CACNB4: variants seen among roughly 807,000 people sequenced by gnomAD.
The protein encoded by CACNB4 is calcium voltage-gated channel auxiliary subunit beta 4.
In CACNB4, 32 loss-of-function variants were observed where a neutral mutation model predicts 71.2. The ratio of observed to expected loss-of-function variants is 0.45; its 90% CI spans 0.34 to 0.60. The LOEUF is 0.60. CACNB4 is among the 20% of genes least tolerant of loss of function. The pLI, the probability that CACNB4 is intolerant of heterozygous loss-of-function variation, is 0.01. For missense variants in CACNB4, 464 were observed against 647.9 expected, an observed-to-expected ratio of 0.72 and a Z score of 3.08; for synonymous variants, 231 against 236.9, an observed-to-expected ratio of 0.97 and a Z score of 0.23.
At position 152,098,629 on chromosome 2, in the gene CACNB4, G is replaced by A; in HGVS notation, c.64-216C>T. Reference sequence around the variant, plus strand: ...AAAAGATGCTCGAGAAGAGCAGCCCGCAAGCACCCACCACATCCATTAACA... The same window carrying A: ...AAAAGATGCTCGAGAAGAGCAGCCCACAAGCACCCACCACATCCATTAACA... On this transcript the variant is annotated intron_variant, in intron 1 of 13. Transcript: ENST00000539935. The surrounding 1 kb of genome is among the most constrained non-coding windows in gnomAD (Gnocchi z 5.3). 1.4e-5 allele frequency: 18 copies of A among 1,324,302 alleles called. No homozygotes were observed. The highest frequency in any genetic ancestry group is 1.8e-5 in the Non-Finnish European group (18 of 997,638). The allele number at this position is 1,324,302 out of a possible 1,614,324, so 82.0% of individuals were successfully genotyped here.
chr2:151,910,143 G>A (rs985105688), intron 2 of CACNB4, among the ~76,000 whole-genome samples: 1 of 151,900 alleles, frequency 6.6e-6, no homozygotes, highest in African/African-American at 2.4e-5. Flanking sequence ...GTGATGTTGT[G>A]TTTTTTTTCA....
intron 2 of CACNB4, among the ~76,000 whole-genome samples, chr2:152,019,949 A>G (rs577903944): frequency 2.0e-5 from 3 of 152,210 alleles, no homozygotes; most frequent in Non-Finnish European, 4.4e-5. Context: ...TTAGATTGAG[A>G]GGCAGTCAGA....
At chr2:152,042,858 C>A (rs1390466576) in intron 2 of CACNB4, among the ~76,000 whole-genome samples, 1 of 152,122 alleles carries the variant, frequency 6.6e-6, no homozygotes, top group East Asian at 1.9e-4. Flanking sequence ...ATACAGGTCA[C>A]AAAGACCTTG....
At position 152,098,583 on chromosome 2, in the gene CACNB4, C is replaced by CCCCCCCAA; in HGVS notation, c.64-171_64-170insTTGGGGGG. ...AATACAGCCCCCACCCCCACCCACC[C>CCCCCCCAA]ACTGCAAGCCTCGACTGCTGAAAAG... is the stretch of plus-strand genomic sequence containing the variant. On this transcript the variant is annotated intron_variant, in intron 1 of 13. Transcript: ENST00000539935. The surrounding 1 kb of genome is among the most constrained non-coding windows in gnomAD (Gnocchi z 5.3). The CCCCCCCAA allele has an allele frequency of 6.9e-6, 7 of 1,018,182 alleles. No homozygotes were observed. Among genetic ancestry groups the CCCCCCCAA allele is most frequent in the South Asian group, 1.4e-5 (1 of 73,668 alleles). The allele number at this position is 1,018,182 out of a possible 1,614,324, so 63.1% of individuals were successfully genotyped here. A position where few individuals can be genotyped will look rare whatever the true frequency, so the allele number is the denominator to read the frequency against.
chr2:151,871,827 G>T (rs1300580435), intron 6 of CACNB4: 2 of 153,336 alleles, frequency 1.3e-5, no homozygotes, highest in Non-Finnish European at 2.9e-5. Flanking sequence ...GAATGTGGTA[G>T]AAGAAAAATT....
At chr2:152,042,732 A>T (rs143459491) in intron 2 of CACNB4, among the ~76,000 whole-genome samples, 28 of 152,274 alleles carry the variant, frequency 1.8e-4, no homozygotes, top group African/African-American at 6.7e-4. Flanking sequence ...CGTTTGAACC[A>T]GAGCAACTCC....
chr2:151,985,173 C>T (rs1251429783), intron 2 of CACNB4, among the ~76,000 whole-genome samples: 2 of 152,122 alleles, frequency 1.3e-5, no homozygotes, highest in Non-Finnish European at 2.9e-5. Flanking sequence ...AGTCTTAGTA[C>T]TAAAATATGA....
intron 2 of CACNB4, among the ~76,000 whole-genome samples, chr2:152,009,859 G>A (rs1250033474): frequency 6.6e-6 from 1 of 152,186 alleles, no homozygotes; most frequent in Admixed American, 6.5e-5. Flanking sequence ...TTCCCTAGAG[G>A]AGGGAGCCAC....
At chr2:151,970,466 C>T (rs891313406) in intron 2 of CACNB4, 1 of 152,032 alleles carries the variant, frequency 6.6e-6, no homozygotes, top group African/African-American at 2.4e-5. Flanking sequence ...AGAATAATTC[C>T]ACAAACATCA....
At chr2:151,963,519 T>C (rs2099870204) in intron 2 of CACNB4, among the ~76,000 whole-genome samples, 1 of 152,138 alleles carries the variant, frequency 6.6e-6, no homozygotes, top group African/African-American at 2.4e-5. Flanking sequence ...AAATTCTTCC[T>C]ATAGAATCTG....
At chr2:151,951,769 A>G (rs2151665692) in intron 2 of CACNB4, among the ~76,000 whole-genome samples, 1 of 152,326 alleles carries the variant, frequency 6.6e-6, no homozygotes, top group South Asian at 2.1e-4. Flanking sequence ...AAGACTAACG[A>G]GGAAGCTGGA....
chr2:152,013,015 G>A (rs975081460), intron 2 of CACNB4, among the ~76,000 whole-genome samples: 1 of 152,156 alleles, frequency 6.6e-6, no homozygotes, highest in African/African-American at 2.4e-5. Context: ...TTTTCTATGT[G>A]TAGATACATT....
chr2:152,098,564 G>GCCGCCCCCC lies in CACNB4; in HGVS notation c.64-152_64-151insGGGGGGCGG. On this transcript the variant is annotated intron_variant, in intron 1 of 13. Transcript: ENST00000539935. The surrounding 1 kb of genome is among the most constrained non-coding windows in gnomAD (Gnocchi z 5.3). Reference sequence around the variant, plus strand: ...GTCTCCTCCGCGACTCCCAAATACAGCCCCCACCCCCACCCACCCACTGCA... The same window carrying GCCGCCCCCC: ...GTCTCCTCCGCGACTCCCAAATACAGCCGCCCCCCCCCCCACCCCCACCCACCCACTGCA... The GCCGCCCCCC allele has an allele frequency of 1.1e-6, 1 of 931,268 alleles. No homozygotes were observed. Among genetic ancestry groups the GCCGCCCCCC allele is most frequent in the Non-Finnish European group, 1.7e-6 (1 of 583,194 alleles). The allele number at this position is 931,268 out of a possible 1,614,324, so 57.7% of individuals were successfully genotyped here. A position where few individuals can be genotyped will look rare whatever the true frequency, so the allele number is the denominator to read the frequency against.
chr2:151,964,447 T>C (rs2099870526), intron 2 of CACNB4, among the ~76,000 whole-genome samples: 1 of 152,216 alleles, frequency 6.6e-6, no homozygotes, highest in Non-Finnish European at 1.5e-5. Context: ...TAGGATGTCA[T>C]CAAGGAAGAC....
intron 2 of CACNB4, among the ~76,000 whole-genome samples, chr2:151,981,434 C>A (rs2099874699): frequency 6.6e-6 from 1 of 152,082 alleles, no homozygotes. Context: ...AGAGCCGCTG[C>A]AGATTTAGAA....
At chr2:152,004,034 G>C (rs1404069811) in intron 2 of CACNB4, among the ~76,000 whole-genome samples, 2 of 152,026 alleles carry the variant, frequency 1.3e-5, no homozygotes, top group Admixed American at 6.6e-5. Context: ...TACCCAGGCT[G>C]GTCTTGAACT....
intron 2 of CACNB4, among the ~76,000 whole-genome samples, chr2:152,059,106 T>G (rs1579218754): frequency 6.6e-6 from 1 of 152,358 alleles, no homozygotes; most frequent in Non-Finnish European, 1.5e-5. Flanking sequence ...GTCCAGGCAC[T>G]TGTGTGCTGC....
intron 2 of CACNB4, among the ~76,000 whole-genome samples, chr2:151,985,848 A>C (rs1473506179): frequency 6.6e-6 from 1 of 152,118 alleles, no homozygotes; most frequent in Admixed American, 6.5e-5. Flanking sequence ...TGACATTGGC[A>C]CCTAAGGTAA....
rs902722972 is a variant in CACNB4, at chr2:151,932,473, A to G, written c.148-49103T>C. On this transcript the variant is annotated intron_variant, in intron 2 of 13. Coordinates refer to ENST00000539935, the MANE Select transcript of CACNB4 (RefSeq NM_000726.5). ...TGCTAGAGAACACATATCTGATATGAGTTGAATTATGTCCCCTGAAAAAGA... is the reference window on the plus strand; with the variant it reads ...TGCTAGAGAACACATATCTGATATGGGTTGAATTATGTCCCCTGAAAAAGA... Among the ~76,000 whole-genome samples the G allele has an allele frequency of 6.6e-5, 10 of 152,254 alleles. No homozygotes were observed. In the South Asian group the frequency reaches 2.1e-3, roughly 32 times the overall value.
Sources: allele counts gnomAD v4.1 joint callset (sites outside exome capture counted in the v4.1 genomes callset), GRCh38; gene constraint gnomAD v4.1.1; non-coding constraint Gnocchi (gnomAD v3.1); transcripts MANE v1.5; gene names NCBI Gene and HGNC (gene_info 2026-07-23, HGNC 2026-07-21).